Variants in CFAP47 observed in about 807,000 individuals in gnomAD.
CFAP47 encodes cilia and flagella associated protein 47.
A neutral mutation model predicts 148.1 loss-of-function variants in CFAP47; 29 were observed. The ratio of observed to expected loss-of-function variants is 0.20; its 90% CI spans 0.15 to 0.27. CFAP47 has a LOEUF of 0.27. Ranked by LOEUF, CFAP47 falls within the 10% of genes least tolerant of loss-of-function variation. The pLI is 1.00. For synonymous variants in CFAP47, 664 were observed against 577.3 expected (o/e 1.15, Z -2.15); for missense variants, 1,872 against 1,697.5 (o/e 1.10, Z -1.81).
At chrX:36,326,482 T>C (rs1181847019) in intron 57 of CFAP47, among the ~76,000 whole-genome samples, 2 of 111,809 alleles carry the variant, frequency 1.8e-5, no homozygotes, top group Non-Finnish European at 3.8e-5. Context: ...CCTAGAAACT[T>C]GTTGAATGGC....
chrX:36,311,565 G>A (rs782468607), intron 56 of CFAP47, among the ~76,000 whole-genome samples: 12 of 110,959 alleles, frequency 1.1e-4, no homozygotes, highest in African/African-American at 3.9e-4. Context: ...ATATTGAGCA[G>A]TACCAATTTA....
chrX:35,989,813 C>A, intron 16 of CFAP47: 1 of 210,714 alleles, frequency 4.7e-6, no homozygotes, highest in Non-Finnish European at 8.5e-6. Context: ...AAATTTCCCA[C>A]TCAATGTTCT....
intron 1 of CFAP47, among the ~76,000 whole-genome samples, chrX:35,922,170 C>T (rs1935588693): frequency 9.0e-6 from 1 of 110,908 alleles, no homozygotes; most frequent in Non-Finnish European, 1.9e-5. Flanking sequence ...TTCTTCTCAC[C>T]CACATTTTCA....
At chrX:36,187,594 G>A (rs1939820483) in intron 40 of CFAP47, among the ~76,000 whole-genome samples, 1 of 111,673 alleles carries the variant, frequency 9.0e-6, no homozygotes, top group African/African-American at 3.3e-5. Flanking sequence ...TCCATTTATT[G>A]TGTCTATAGC....
At chrX:35,929,515 C>A (rs981268114) in intron 2 of CFAP47, among the ~76,000 whole-genome samples, 24 of 111,629 alleles carry the variant, frequency 2.1e-4, no homozygotes, top group Admixed American at 4.8e-4. Context: ...ATCCTCTGAC[C>A]TTGCTGAACT....
At chrX:35,928,031 C>A (rs1451362859) in intron 2 of CFAP47, among the ~76,000 whole-genome samples, 2 of 106,629 alleles carry the variant, frequency 1.9e-5, no homozygotes, top group Non-Finnish European at 3.8e-5. Flanking sequence ...ATATATATCA[C>A]AATTTGTTTA....
rs199708975 is a variant in CFAP47, at chrX:35,924,022, C to CAT, written c.250-1988_250-1987dup. 6.2e-5 allele frequency among the ~76,000 whole-genome samples: 5 copies of CAT among 80,711 alleles called. 1 individual carries two copies. Among genetic ancestry groups the CAT allele is most frequent in the African/African-American group, 1.5e-4 (3 of 20,632 alleles). The allele number at this position is 80,711 out of a possible 115,157, so 70.1% of individuals were successfully genotyped here. A position where few individuals can be genotyped will look rare whatever the true frequency, so the allele number is the denominator to read the frequency against. Reference sequence around the variant, plus strand: ...GTGTATATGTGTAAATATATATGCACATATATATGCACATATATGTGTATA... The same window carrying CAT: ...GTGTATATGTGTAAATATATATGCACATATATATATGCACATATATGTGTATA... On this transcript the variant is annotated intron_variant, in intron 1 of 63. Coordinates refer to ENST00000378653, the MANE Select transcript of CFAP47 (RefSeq NM_001304548.2).
intron 42 of CFAP47, among the ~76,000 whole-genome samples, chrX:36,194,408 T>TA (rs1261550948): frequency 1.8e-5 from 2 of 111,695 alleles, no homozygotes; most frequent in Non-Finnish European, 3.8e-5. Flanking sequence ...CTCTGCCTCT[T>TA]ACCCAGTTCC....
At chrX:36,369,730 T>C (rs1383935682) in intron 62 of CFAP47, among the ~76,000 whole-genome samples, 1 of 111,559 alleles carries the variant, frequency 9.0e-6, no homozygotes, top group Admixed American at 9.6e-5. Flanking sequence ...TGGTTTTCCA[T>C]AGAGAGCATA....
intron 48 of CFAP47, among the ~76,000 whole-genome samples, chrX:36,240,530 A>C (rs1555995814): frequency 9.0e-6 from 1 of 111,604 alleles, no homozygotes; most frequent in Non-Finnish European, 1.9e-5. Context: ...GTAAGCTGGC[A>C]GAAGAAATAA....
In CFAP47 at chrX:36,058,399, C is replaced by A. The variant is rs899012639; in HGVS notation, c.4218-7244C>A. On this transcript the variant is annotated intron_variant, in intron 26 of 63. Transcript: ENST00000378653. ...TATCAAACTGACTGTTTTGCAGGTACACCCTCAGCTGCTTTGTAAGAGTCT... is the reference window on the plus strand; with the variant it reads ...TATCAAACTGACTGTTTTGCAGGTAAACCCTCAGCTGCTTTGTAAGAGTCT... 7.2e-5 allele frequency among the ~76,000 whole-genome samples: 8 copies of A among 111,615 alleles called. No individual in the cohort carries two copies. The Admixed American group carries it at 7.7e-4, about 11-fold the overall frequency.
At chrX:36,056,231 T>A (rs1937553680) in intron 26 of CFAP47, among the ~76,000 whole-genome samples, 1 of 111,968 alleles carries the variant, frequency 8.9e-6, no homozygotes, top group Non-Finnish European at 1.9e-5. Context: ...TAATGCATCA[T>A]CTTGGTAATT....
chrX:36,383,682 ATGTATTGTTGTGCAATACATTCT>A (rs1345210312), intron 63 of CFAP47, among the ~76,000 whole-genome samples: 16 of 111,530 alleles, frequency 1.4e-4, no homozygotes, highest in African/African-American at 2.6e-4. Flanking sequence ...GCTATTAAGA[ATGTATTGTTGTGCAATACATTCT>A]TGTATTGTTG....
chrX:36,377,630 G>A (rs1942036381), intron 62 of CFAP47, among the ~76,000 whole-genome samples: 1 of 111,744 alleles, frequency 8.9e-6, no homozygotes, highest in African/African-American at 3.3e-5. Flanking sequence ...TTGAATTTGT[G>A]TCTTCATTTG....
chrX:36,218,012 T>C (rs1555990343), intron 45 of CFAP47, among the ~76,000 whole-genome samples: 1 of 112,165 alleles, frequency 8.9e-6, no homozygotes, highest in Admixed American at 9.5e-5. Context: ...ATTTCAGTAG[T>C]CTTTTCCATT....
At chrX:35,936,511 G>T (rs1935915005) in intron 2 of CFAP47, among the ~76,000 whole-genome samples, 1 of 103,305 alleles carries the variant, frequency 9.7e-6, no homozygotes, top group Admixed American at 1.1e-4. Context: ...GGTTCATCTT[G>T]GTTGACATCT....
chrX:36,157,357 C>T (rs1318191992), intron 37 of CFAP47, among the ~76,000 whole-genome samples: 1 of 112,338 alleles, frequency 8.9e-6, no homozygotes, highest in African/African-American at 3.2e-5. Flanking sequence ...GCAGCTTGCT[C>T]TTGGCTATAT....
At chrX:36,017,902 A>C (rs968916336) in intron 22 of CFAP47, among the ~76,000 whole-genome samples, 1 of 111,104 alleles carries the variant, frequency 9.0e-6, no homozygotes, top group Non-Finnish European at 1.9e-5. Context: ...TTCTGTGAAG[A>C]ATGTCATTGG....
At chrX:36,031,164 T>C in intron 22 of CFAP47, 89 bp from the exon 23 acceptor site, 1 of 270,790 alleles carries the variant, frequency 3.7e-6, no homozygotes, top group Non-Finnish European at 6.6e-6. Context: ...CTTATTTTCT[T>C]ATTGTTTAGT....
Sources: allele counts gnomAD v4.1 joint callset (sites outside exome capture counted in the v4.1 genomes callset), GRCh38; gene constraint gnomAD v4.1.1; transcripts MANE v1.5; gene names NCBI Gene and HGNC (gene_info 2026-07-23, HGNC 2026-07-21).